The following DRC9 variants were observed in gnomAD, a reference collection of about 807,000 sequenced individuals.
DRC9 encodes dynein regulatory complex protein 9.
At chr3:197,909,830 CA>C in the DRC9 span, among the ~76,000 whole-genome samples, 17 of 151,992 alleles carry the variant, frequency 1.1e-4, no homozygotes, top group East Asian at 3.1e-3. Flanking sequence ...CCATCTCTAC[CA>C]AAAATACAAA....
At chr3:197,934,005 T>G in the DRC9 span, among the ~76,000 whole-genome samples, 2 of 151,274 alleles carry the variant, frequency 1.3e-5, no homozygotes, top group Non-Finnish European at 2.9e-5. Flanking sequence ...GAAGTTTTCT[T>G]TAATTTCTAG....
chr3:197,911,146 GA>G, the DRC9 span, among the ~76,000 whole-genome samples: 1 of 151,894 alleles, frequency 6.6e-6, no homozygotes, highest in Non-Finnish European at 1.5e-5. Context: ...TAAACATGTG[GA>G]AAAATGTTAT....
At chr3:197,953,257 G>A in the DRC9 span, among the ~76,000 whole-genome samples, 1 of 152,162 alleles carries the variant, frequency 6.6e-6, no homozygotes, top group Non-Finnish European at 1.5e-5. Context: ...CACACTTGTA[G>A]CCCCAGCATT....
At chr3:197,902,070 C>A in the DRC9 span, among the ~76,000 whole-genome samples, 1 of 152,180 alleles carries the variant, frequency 6.6e-6, no homozygotes, top group Non-Finnish European at 1.5e-5. Context: ...GAACAAGAGT[C>A]TCTCCCTGGC....
At chr3:197,933,041 CA>C in the DRC9 span, among the ~76,000 whole-genome samples, 4 of 132,670 alleles carry the variant, frequency 3.0e-5, no homozygotes, top group Non-Finnish European at 6.2e-5. Flanking sequence ...ATATATTATA[CA>C]TATATATAAA....
chr3:197,957,857 G>T, the DRC9 span: 1 of 152,180 alleles, frequency 6.6e-6, no homozygotes, highest in Admixed American at 6.5e-5. Context: ...TATACTGGCT[G>T]CGTAACATAA....
chr3:197,946,652 C>G, the DRC9 span, among the ~76,000 whole-genome samples: 28,521 of 151,862 alleles, frequency 0.19, 4,859 homozygotes, highest in African/African-American at 0.46. Context: ...CTCTGAGAGA[C>G]GTGGTGCAAA....
At chr3:197,923,684 C>T in the DRC9 span, among the ~76,000 whole-genome samples, 1 of 151,818 alleles carries the variant, frequency 6.6e-6, no homozygotes, top group East Asian at 2.0e-4. Context: ...GAGCTGAGAT[C>T]ACTCCACTGC....
At chr3:197,903,245 T>C in the DRC9 span, among the ~76,000 whole-genome samples, 19 of 152,186 alleles carry the variant, frequency 1.2e-4, no homozygotes, top group African/African-American at 4.6e-4. Flanking sequence ...AAGAAAACAC[T>C]GGGGAAACTC....
At chr3:197,900,904 C>T in the DRC9 span, among the ~76,000 whole-genome samples, 7 of 152,168 alleles carry the variant, frequency 4.6e-5, no homozygotes, top group Admixed American at 1.3e-4. This position sits in a 1 kb window ranked among gnomAD's most constrained non-coding sequence, Gnocchi z 4.7. Flanking sequence ...CATCTACTGA[C>T]GAAAGAGCCC....
At chr3:197,949,431 C>T in the DRC9 span, 5 of 152,224 alleles carry the variant, frequency 3.3e-5, no homozygotes, top group Non-Finnish European at 5.9e-5. Flanking sequence ...AAGCCTCCTG[C>T]AGGCAGTCCT....
chr3:197,955,825 G>A, the DRC9 span: 36 of 1,449,260 alleles, frequency 2.5e-5, no homozygotes, highest in Non-Finnish European at 2.9e-6. Flanking sequence ...GTATTTTTAA[G>A]TGGATTAAAA....
chr3:197,946,412 G>A, the DRC9 span, among the ~76,000 whole-genome samples: 1 of 143,718 alleles, frequency 7.0e-6, no homozygotes, highest in African/African-American at 2.7e-5. Context: ...TCCAGCCTGG[G>A]CGACAGAGCG....
the DRC9 span, among the ~76,000 whole-genome samples, chr3:197,894,295 A>G: frequency 6.6e-6 from 1 of 152,212 alleles, no homozygotes; most frequent in South Asian, 2.1e-4. Context: ...GTCCACCCAC[A>G]ATGCGCATAT....
the DRC9 span, among the ~76,000 whole-genome samples, chr3:197,904,163 A>C: frequency 6.6e-6 from 1 of 150,686 alleles, no homozygotes; most frequent in South Asian, 2.1e-4. Context: ...AAAAGAAGAC[A>C]CACAAACACC....
chr3:197,957,992 G>T, the DRC9 span: 11 of 152,208 alleles, frequency 7.2e-5, no homozygotes, highest in African/African-American at 2.7e-4. Context: ...GAGGTCTCCT[G>T]TACTGAACTG....
At chr3:197,918,790 A>T in the DRC9 span, among the ~76,000 whole-genome samples, 1 of 152,140 alleles carries the variant, frequency 6.6e-6, no homozygotes. Context: ...AACAGAAGGT[A>T]CTGCATCATG....
At chr3:197,955,787 C>T in the DRC9 span, 1 of 1,594,300 alleles carries the variant, frequency 6.3e-7, no homozygotes. Context: ...AACGAAAAAT[C>T]AATAAATAAA....
chr3:197,899,645 A>G, the DRC9 span, among the ~76,000 whole-genome samples: 6 of 152,198 alleles, frequency 3.9e-5, no homozygotes, highest in African/African-American at 1.2e-4. Flanking sequence ...GAGATAAGAT[A>G]TCAAAAGGAA....
Sources: allele counts gnomAD v4.1 joint callset (sites outside exome capture counted in the v4.1 genomes callset), GRCh38; gene constraint gnomAD v4.1.1; non-coding constraint Gnocchi (gnomAD v3.1); transcripts MANE v1.5; gene names NCBI Gene and HGNC (gene_info 2026-07-23, HGNC 2026-07-21).